MYCBP2: variants seen among roughly 807,000 people sequenced by gnomAD.
The protein encoded by MYCBP2 is E3 ubiquitin-protein ligase MYCBP2.
Under a neutral mutation model 525.3 loss-of-function variants are expected in MYCBP2, and 120 were observed. The ratio of observed to expected loss-of-function variants is 0.23; its 90% CI spans 0.20 to 0.27. The LOEUF (loss-of-function observed/expected upper bound fraction) is 0.27. MYCBP2 is among the 10% of genes least tolerant of loss of function. The pLI is 1.00. For missense variants in MYCBP2, 4,149 were observed against 5,657.1 expected (o/e 0.73, Z 8.55); for synonymous variants, 1,894 against 1,955.8 (o/e 0.97, Z 0.83).
At position 77,058,391 on chromosome 13, in the gene MYCBP2, C is replaced by A. The variant is rs1321308099; in HGVS notation, c.13156G>T (p.Ala4386Ser). The A allele has an allele frequency of 1.9e-6, 3 of 1,611,180 alleles. No homozygotes were observed. The highest frequency in any genetic ancestry group is 2.5e-6 in the Non-Finnish European group (3 of 1,178,414). ...DADCQEYAKI[A>S]CSKTHPCGHP... ...CCACAAGGATGCGTCTTACTACAGG[C>A]TATCTTAGCGTATTCCTGTTAAAGA... The change falls in exon 78 of 83, where the codon GCC becomes TCC. Residue 4386 changes from alanine to serine, a missense_variant. This residue lies in a region of MYCBP2 where 220 missense variants were observed against 396.0 expected (regional missense o/e 0.56). Coordinates refer to ENST00000544440, the MANE Select transcript of MYCBP2 (RefSeq NM_015057.5). The surrounding 1 kb of genome is among the most constrained non-coding windows in gnomAD (Gnocchi z 4.1).
chr13:77,218,097 G>A (rs1566955424), intron 20 of MYCBP2, 140 bp from the exon 21 acceptor site: 3 of 503,524 alleles, frequency 6.0e-6, no homozygotes, highest in South Asian at 7.5e-5. Flanking sequence ...AGTGCTAAAC[G>A]CCTATCTCCA....
chr13:77,055,371 T>G (rs934796053), intron 80 of MYCBP2, among the ~76,000 whole-genome samples, 187 bp downstream of exon 80: 7 of 152,172 alleles, frequency 4.6e-5, no homozygotes, highest in African/African-American at 1.7e-4. Flanking sequence ...TCAGGTTAAA[T>G]AAAGAATCCC....
chr13:77,071,646 A>C (rs1191471669), intron 68 of MYCBP2, among the ~76,000 whole-genome samples: 1 of 152,210 alleles, frequency 6.6e-6, no homozygotes, highest in Non-Finnish European at 1.5e-5. Flanking sequence ...TAAACAAGCA[A>C]AAAACCAAAA....
rs374242789 is a variant in MYCBP2, at chr13:77,217,964, T to TAA, written c.2940-9_2940-8dup. On this transcript the variant is annotated splice_region_variant and splice_polypyrimidine_tract_variant and intron_variant, in intron 20 of 82. Transcript: ENST00000544440. ...AACAAGAGTGGGACATCCCCTAGGT[T>TAA]AAAAAAAAAAAAAGTAAGTCAATTT... The TAA allele has an allele frequency of 9.8e-5, 137 of 1,402,440 alleles. No individual in the cohort carries two copies. Among genetic ancestry groups the TAA allele is most frequent in the Admixed American group, 2.1e-4 (9 of 41,958 alleles). The allele number at this position is 1,402,440 out of a possible 1,614,324, so 86.9% of individuals were successfully genotyped here.
intron 79 of MYCBP2, among the ~76,000 whole-genome samples, chr13:77,056,057 CAA>C (rs1241382935): frequency 6.7e-6 from 1 of 149,892 alleles, no homozygotes; most frequent in African/African-American, 2.5e-5. Flanking sequence ...ATTGTGGAAA[CAA>C]AGTTACCTTG....
chr13:77,257,989 T>A (rs2072542236), intron 13 of MYCBP2, among the ~76,000 whole-genome samples, 160 bp from the exon 14 acceptor site: 1 of 152,198 alleles, frequency 6.6e-6, no homozygotes, highest in African/African-American at 2.4e-5. Context: ...CTGAATTAAC[T>A]TTGTAACTTT....
chr13:77,095,241 G>C (rs1211378150), intron 58 of MYCBP2, 117 bp downstream of exon 58: 1 of 1,262,422 alleles, frequency 7.9e-7, no homozygotes, highest in African/African-American at 1.5e-5. Context: ...CTGGAAGTTT[G>C]TTTATAGTAC....
rs2060684221 is a variant in MYCBP2, at chr13:77,186,072, G to C, written c.4252-9C>G. On this transcript the variant is annotated splice_polypyrimidine_tract_variant and intron_variant, in intron 30 of 82. Transcript: ENST00000544440. ...AATGACTCAAAACATTCCTAATCCA[G>C]AATATGAAAAAACAGACAACAATTA... 1 of 1,532,982 alleles carries C rather than the reference G, an allele frequency of 6.5e-7. No individual in the cohort carries two copies. Among genetic ancestry groups the C allele is most frequent in the African/African-American group, 1.4e-5 (1 of 71,630 alleles). The allele number at this position is 1,532,982 out of a possible 1,614,324, so 95.0% of individuals were successfully genotyped here.
chr13:77,263,839 C>G, intron 9 of MYCBP2, 50 bp from the exon 10 acceptor site: 1 of 1,610,004 alleles, frequency 6.2e-7, no homozygotes, highest in Non-Finnish European at 8.5e-7. Flanking sequence ...AGAGGTCGTT[C>G]AAGGCTCTAC....
intron 26 of MYCBP2, among the ~76,000 whole-genome samples, chr13:77,202,472 G>T (rs566783767): frequency 2.2e-4 from 34 of 152,214 alleles, no homozygotes; most frequent in African/African-American, 7.5e-4. Flanking sequence ...GATACAAGGA[G>T]GAACTGGTAC....
At chr13:77,266,290 G>C (rs916513421) in intron 8 of MYCBP2, among the ~76,000 whole-genome samples, 6 of 152,040 alleles carry the variant, frequency 3.9e-5, no homozygotes, top group African/African-American at 1.4e-4. Flanking sequence ...CGATAGGAAC[G>C]CTCATTACAG....
chr13:77,087,120 T>C (rs920309223), intron 62 of MYCBP2, among the ~76,000 whole-genome samples: 13 of 152,208 alleles, frequency 8.5e-5, no homozygotes, highest in Non-Finnish European at 1.8e-4. Flanking sequence ...TTGATATCCT[T>C]GGAAATTAAC....
chr13:77,150,999 T>G, intron 46 of MYCBP2, 50 bp from the exon 47 acceptor site: 1 of 1,472,248 alleles, frequency 6.8e-7, no homozygotes. Flanking sequence ...TAATTGTCAC[T>G]GACATCAAAA....
chr13:77,222,018 A>G (rs1303898585), intron 20 of MYCBP2, among the ~76,000 whole-genome samples: 1 of 152,222 alleles, frequency 6.6e-6, no homozygotes, highest in Non-Finnish European at 1.5e-5. Flanking sequence ...AAATAATAAC[A>G]AGACAAAAAC....
chr13:77,114,109 A>C (rs1168847096), intron 55 of MYCBP2, among the ~76,000 whole-genome samples: 1 of 152,170 alleles, frequency 6.6e-6, no homozygotes. Flanking sequence ...TTTTATGCTA[A>C]CATTCACACT....
intron 1 of MYCBP2, among the ~76,000 whole-genome samples, chr13:77,306,486 G>T (rs1374946455): frequency 6.6e-6 from 1 of 152,100 alleles, no homozygotes. Context: ...TCTTCACATG[G>T]GGGGAGGACT....
chr13:77,288,638 G>A (rs900793483), intron 2 of MYCBP2, among the ~76,000 whole-genome samples: 6 of 152,064 alleles, frequency 3.9e-5, no homozygotes, highest in African/African-American at 1.4e-4. Flanking sequence ...TTCTTGTATC[G>A]CCATGACAGG....
intron 43 of MYCBP2, among the ~76,000 whole-genome samples, chr13:77,163,526 T>C (rs1054112235): frequency 1.3e-5 from 2 of 152,138 alleles, no homozygotes; most frequent in South Asian, 2.1e-4. Flanking sequence ...AAACCATGTA[T>C]AAATATTAGA....
In MYCBP2 at chr13:77,326,912, G is replaced by A. The variant is rs2082388882; in HGVS notation, c.-137C>T. 1.3e-6 allele frequency: 1 copy of A among 746,522 alleles called. No individual in the cohort carries two copies. The highest frequency in any genetic ancestry group is 1.9e-6 in the Non-Finnish European group (1 of 524,462). The allele number at this position is 746,522 out of a possible 1,614,324, so 46.2% of individuals were successfully genotyped here. A position where few individuals can be genotyped will look rare whatever the true frequency, so the allele number is the denominator to read the frequency against. ...GCTCCCGCAGCAGGGAGACTACAAAGACAGCGACCTCCTTCTCCTCCTCCT... is the reference window on the plus strand; with the variant it reads ...GCTCCCGCAGCAGGGAGACTACAAAAACAGCGACCTCCTTCTCCTCCTCCT... On this transcript the variant is annotated 5_prime_UTR_variant, in exon 1 of 83. Coordinates refer to ENST00000544440, the MANE Select transcript of MYCBP2 (RefSeq NM_015057.5). This position sits in a 1 kb window ranked among gnomAD's most constrained non-coding sequence, Gnocchi z 4.2.
Sources: allele counts gnomAD v4.1 joint callset (sites outside exome capture counted in the v4.1 genomes callset), GRCh38; gene constraint gnomAD v4.1.1; regional missense constraint gnomAD v4.1.1; non-coding constraint Gnocchi (gnomAD v3.1); transcripts MANE v1.5; gene names NCBI Gene and HGNC (gene_info 2026-07-23, HGNC 2026-07-21).